The following MAP3K5 variants were observed in gnomAD, a reference collection of about 807,000 sequenced individuals.
MAP3K5 encodes the protein ASK-1.
A neutral mutation model predicts 158.7 loss-of-function variants in MAP3K5; 56 were observed. That is an observed-to-expected ratio of 0.35 (90% CI 0.28 to 0.44). The LOEUF is 0.44. MAP3K5 is among the 20% of genes least tolerant of loss of function. The probability of loss-of-function intolerance (pLI) is 1.00; values close to 1 mark genes in which losing one functional copy is unlikely to be tolerated. For missense variants in MAP3K5, 1,294 were observed against 1,674.8 expected (o/e 0.77, Z 3.97); for synonymous variants, 579 against 601.7 (o/e 0.96, Z 0.55).
At chr6:136,732,670 C>T (rs532664924) in intron 1 of MAP3K5, among the ~76,000 whole-genome samples, 1 of 152,256 alleles carries the variant, frequency 6.6e-6, no homozygotes, top group Non-Finnish European at 1.5e-5. Flanking sequence ...TTCTGCATGT[C>T]GTGACGCCAA....
intron 14 of MAP3K5, among the ~76,000 whole-genome samples, chr6:136,634,040 G>C (rs1220909083): frequency 6.6e-6 from 1 of 152,196 alleles, no homozygotes; most frequent in African/African-American, 2.4e-5. Flanking sequence ...GTAAAGAATG[G>C]GAAGTGGAGG....
chr6:136,640,295 T>C (rs1255216431), intron 12 of MAP3K5, among the ~76,000 whole-genome samples: 3 of 152,220 alleles, frequency 2.0e-5, no homozygotes, highest in East Asian at 1.9e-4. Flanking sequence ...TGCTGAAGCA[T>C]GACAGCTGCC....
At chr6:136,693,586 A>G (rs1262606281) in intron 7 of MAP3K5, among the ~76,000 whole-genome samples, 1 of 151,520 alleles carries the variant, frequency 6.6e-6, no homozygotes, top group African/African-American at 2.4e-5. Context: ...TATTTATATT[A>G]CTTATTTAAA....
At chr6:136,639,285 CAATT>C (rs1451002774) in intron 13 of MAP3K5, among the ~76,000 whole-genome samples, 25 of 151,834 alleles carry the variant, frequency 1.6e-4, no homozygotes, top group Admixed American at 1.6e-3. Flanking sequence ...TAATATTTAA[CAATT>C]AACCAATAAG....
chr6:136,626,402 A>G (rs17723608), intron 14 of MAP3K5, among the ~76,000 whole-genome samples: 3,942 of 152,266 alleles, frequency 0.026, 159 homozygotes, highest in East Asian at 0.15. Flanking sequence ...GCTGCCTAAC[A>G]TAAAGCTGAA....
At chr6:136,693,164 G>T (rs1197425993) in intron 7 of MAP3K5, among the ~76,000 whole-genome samples, 1 of 152,064 alleles carries the variant, frequency 6.6e-6, no homozygotes, top group African/African-American at 2.4e-5. Flanking sequence ...CATTACTACA[G>T]ATTCCATCCT....
rs755861232 is a variant in MAP3K5, at chr6:136,558,926, A to G, written c.3988-50T>C. 118 of 927,888 alleles carry G rather than the reference A, an allele frequency of 1.3e-4. No homozygotes were observed. In the Admixed American group the frequency reaches 2.1e-3, roughly 17 times the overall value. 57.5% of individuals were successfully genotyped at this position (927,888 alleles called of 1,614,324 possible). A position where few individuals can be genotyped will look rare whatever the true frequency, so the allele number is the denominator to read the frequency against. On this transcript the variant is annotated intron_variant, in intron 28 of 29. Coordinates refer to ENST00000359015, the MANE Select transcript of MAP3K5 (RefSeq NM_005923.4). ...AAAAGATGTTTTATATAACTTTAAT[A>G]AAGCACAAACTCTATTCATAATGTA...
At position 136,567,684 on chromosome 6, in the gene MAP3K5, A is replaced by G; in HGVS notation, c.3708T>C (p.Ser1236=). 6.2e-7 allele frequency: 1 copy of G among 1,614,144 alleles called. No individual in the cohort carries two copies. The highest frequency in any genetic ancestry group is 8.5e-7 in the Non-Finnish European group (1 of 1,180,020). The part of the protein sequence containing the change: ...LSSTVSHDSQ[S]AHRSLNVQLG... The stretch of plus-strand genomic sequence containing the variant: ...GCTGTACATTCAGTGACCGGTGAGC[A>G]CTCTGGGAATCATGAGACACAGTAG... The change falls in exon 26 of 30, where the codon AGT becomes AGC. Residue 1236 remains serine (S), a synonymous_variant. Transcript: ENST00000359015.
At chr6:136,782,073 G>A (rs1324994618) in intron 1 of MAP3K5, among the ~76,000 whole-genome samples, 28 of 149,310 alleles carry the variant, frequency 1.9e-4, no homozygotes, top group Non-Finnish European at 4.0e-4. Context: ...AAAAAAAAAA[G>A]GGTATTTGAC....
chr6:136,738,685 A>G (rs1048409630), intron 1 of MAP3K5, among the ~76,000 whole-genome samples: 1 of 152,158 alleles, frequency 6.6e-6, no homozygotes, highest in Non-Finnish European at 1.5e-5. Flanking sequence ...TCGCTTCTAT[A>G]TGTATATTAG....
intron 7 of MAP3K5, among the ~76,000 whole-genome samples, chr6:136,684,879 A>G (rs1562610830): frequency 6.6e-6 from 1 of 152,226 alleles, no homozygotes; most frequent in Admixed American, 6.5e-5. Flanking sequence ...GGAAATGACA[A>G]TGCAAAACAT....
In MAP3K5 at chr6:136,573,544, T is replaced by C. The variant is rs1320360775; in HGVS notation, c.3518-5670A>G. On this transcript the variant is annotated intron_variant, in intron 25 of 29. Coordinates refer to ENST00000359015, the MANE Select transcript of MAP3K5 (RefSeq NM_005923.4). ...TGTAGTAAGAGTGCTAAGGGGTAAA[T>C]AAAGTACATTTGCAGTGACTGAATC... is the stretch of plus-strand genomic sequence containing the variant. Among the ~76,000 whole-genome samples the C allele has an allele frequency of 2.0e-5, 3 of 152,176 alleles. No individual in the cohort carries two copies. In the East Asian group the frequency reaches 5.8e-4, roughly 29 times the overall value.
intron 24 of MAP3K5, among the ~76,000 whole-genome samples, chr6:136,582,251 CGTGTGTGTATACGTGTGTGTGT>C (rs1431835162): frequency 1.4e-5 from 2 of 144,812 alleles, no homozygotes; most frequent in East Asian, 2.0e-4. Flanking sequence ...TATGTGTACA[CGTGTGTGTATACGTGTGTGTGT>C]GTGTGTGTGT....
intron 28 of MAP3K5, 115 bp downstream of exon 28, chr6:136,561,418 G>A: frequency 1.5e-6 from 1 of 686,706 alleles, no homozygotes; most frequent in South Asian, 1.8e-5. Context: ...CCTCAGGAGG[G>A]CAGGGCTGGG....
chr6:136,695,019 T>A (rs907598059), intron 6 of MAP3K5, among the ~76,000 whole-genome samples: 1 of 152,044 alleles, frequency 6.6e-6, no homozygotes, highest in African/African-American at 2.4e-5. Flanking sequence ...GAAAGTAGAT[T>A]CGTGGTTGCC....
At chr6:136,790,818 T>C (rs80275497) in intron 1 of MAP3K5, among the ~76,000 whole-genome samples, 5,221 of 152,312 alleles carry the variant, frequency 0.034, 310 homozygotes, top group African/African-American at 0.12. Context: ...AAGGTTAATT[T>C]CCATAATATG....
chr6:136,680,855 GAAGAGATAC>G (rs1187633263), intron 7 of MAP3K5, among the ~76,000 whole-genome samples: 4 of 152,140 alleles, frequency 2.6e-5, no homozygotes, highest in Non-Finnish European at 5.9e-5. Context: ...GGAAAGATGG[GAAGAGATAC>G]CCTTGGAAGA....
At chr6:136,747,957 G>C (rs1582633579) in intron 1 of MAP3K5, among the ~76,000 whole-genome samples, 1 of 152,028 alleles carries the variant, frequency 6.6e-6, no homozygotes, top group Admixed American at 6.6e-5. Flanking sequence ...TAAGAACCTA[G>C]GTCTATCAGA....
rs1830512401 is a variant in MAP3K5 at position 136,561,513 on chromosome 6, C to T, written c.3987+20G>A. 1 of 1,526,898 alleles carries T rather than the reference C, an allele frequency of 6.5e-7. No homozygotes were observed. Among genetic ancestry groups the T allele is most frequent in the South Asian group, 1.1e-5 (1 of 89,102 alleles). 94.6% of individuals were successfully genotyped at this position (1,526,898 alleles called of 1,614,324 possible). ...GAAACGAAGTGAAAGAATACTTGTC[C>T]CACAGACAGTTTTCTTTACCCGGCT... is the stretch of plus-strand genomic sequence containing the variant. On this transcript the variant is annotated intron_variant, in intron 28 of 29. Transcript: ENST00000359015.
Sources: gnomAD v4.1 joint callset for allele counts (sites outside exome capture counted in the v4.1 genomes callset) on GRCh38, gnomAD v4.1.1 for gene constraint, MANE v1.5 for transcripts, NCBI Gene and HGNC (gene_info 2026-07-23, HGNC 2026-07-21) for gene names.